The following COL21A1 variants were observed in gnomAD, a reference collection of about 807,000 sequenced individuals.
COL21A1 encodes the protein collagen alpha-1(XXI) chain.
A neutral mutation model predicts 137.9 loss-of-function variants in COL21A1; 149 were observed. That is an observed-to-expected ratio of 1.08 (90% CI 0.95 to 1.24). COL21A1 has a LOEUF of 1.24. COL21A1 is among the 50% of genes most tolerant of loss of function. The probability of loss-of-function intolerance (pLI) is 0.00; values close to 1 mark genes in which losing one functional copy is unlikely to be tolerated. For synonymous variants in COL21A1, 456 were observed against 391.5 expected, an observed-to-expected ratio of 1.16 and a Z score of -1.95; for missense variants, 1,167 against 1,158.4, an observed-to-expected ratio of 1.01 and a Z score of -0.11.
At chr6:56,224,499 A>G (rs1398527881) in intron 1 of COL21A1, among the ~76,000 whole-genome samples, 1 of 152,112 alleles carries the variant, frequency 6.6e-6, no homozygotes, top group Admixed American at 6.6e-5. Context: ...ATACTATTTT[A>G]ATGCTTCTCA....
chr6:56,368,276 T>C (rs1766146613), intron 1 of COL21A1, among the ~76,000 whole-genome samples: 1 of 152,216 alleles, frequency 6.6e-6, no homozygotes, highest in Non-Finnish European at 1.5e-5. Context: ...TAAATTATTC[T>C]CTCATTTGTT....
At chr6:56,121,510 G>GTATATATATATACATATACATATATA (rs1341719998) in intron 16 of COL21A1, among the ~76,000 whole-genome samples, 11 of 115,334 alleles carry the variant, frequency 9.5e-5, no homozygotes, top group African/African-American at 2.7e-4. Flanking sequence ...ATATTCATAT[G>GTATATATATATACATATACATATATA]TGTATATATA....
chr6:56,100,965 T>C (rs1770406148), intron 17 of COL21A1, among the ~76,000 whole-genome samples: 1 of 152,182 alleles, frequency 6.6e-6, no homozygotes, highest in Non-Finnish European at 1.5e-5. Flanking sequence ...TATTTAAATG[T>C]TGGCCACGAG....
chr6:56,191,606 A>T (rs1778685993), intron 1 of COL21A1, among the ~76,000 whole-genome samples: 2 of 151,270 alleles, frequency 1.3e-5, no homozygotes, highest in Non-Finnish European at 2.9e-5. Context: ...AAAAAAAAAA[A>T]AATCCAGAGA....
chr6:56,389,349 A>C (rs1264444027), intron 1 of COL21A1, among the ~76,000 whole-genome samples: 3 of 151,840 alleles, frequency 2.0e-5, no homozygotes, highest in Non-Finnish European at 4.4e-5. Flanking sequence ...ACAGAGCAAG[A>C]CTCCATCTCA....
At chr6:56,358,518 G>A (rs1158609863) in intron 1 of COL21A1, among the ~76,000 whole-genome samples, 1 of 151,114 alleles carries the variant, frequency 6.6e-6, no homozygotes, top group African/African-American at 2.4e-5. Context: ...TGTCTACATG[G>A]TAAAATTCAA....
At chr6:56,106,931 C>T (rs1205174125) in intron 16 of COL21A1, among the ~76,000 whole-genome samples, 4 of 152,010 alleles carry the variant, frequency 2.6e-5, no homozygotes, top group African/African-American at 7.2e-5. Flanking sequence ...GGACTACAGG[C>T]GCCCGCCACC....
chr6:56,290,611 C>T (rs1390861234), intron 1 of COL21A1, among the ~76,000 whole-genome samples: 4 of 149,540 alleles, frequency 2.7e-5, no homozygotes, highest in Admixed American at 6.9e-5. Context: ...GTGATTCTCC[C>T]GCCTCGGCCT....
chr6:56,169,361 G>T (rs559577121), intron 5 of COL21A1, among the ~76,000 whole-genome samples: 218 of 151,978 alleles, frequency 1.4e-3, no homozygotes, highest in Admixed American at 5.6e-3. Flanking sequence ...GGATAAAGTT[G>T]AAAGTATTAT....
At chr6:56,290,231 G>A (rs112917372) in intron 1 of COL21A1, among the ~76,000 whole-genome samples, 3,390 of 151,992 alleles carry the variant, frequency 0.022, 57 homozygotes, top group Middle Eastern at 0.031. Flanking sequence ...TAGAGATCAG[G>A]GTTTCTCAGC....
chr6:56,283,874 A>ACACTCTCT lies in COL21A1; in HGVS notation c.-38-101219_-38-101218insAGAGAGTG, dbSNP rs375116485. ...TATCTGTAGACACACTCACACACACACTCTCTCTCTCTCTCTCTCTCTCTC... is the reference window on the plus strand; with the variant it reads ...TATCTGTAGACACACTCACACACACACACTCTCTCTCTCTCTCTCTCTCTCTCTCTCTC... On this transcript the variant is annotated intron_variant, in intron 1 of 28. Transcript: ENST00000370819. Among the ~76,000 whole-genome samples the ACACTCTCT allele has an allele frequency of 7.1e-3, 1,034 of 146,262 alleles. 5 individuals are homozygous for ACACTCTCT. The highest frequency in any genetic ancestry group is 0.021 in the Middle Eastern group (6 of 292).
chr6:56,350,157 G>A (rs951069662), intron 1 of COL21A1, among the ~76,000 whole-genome samples: 1 of 152,170 alleles, frequency 6.6e-6, no homozygotes, highest in Non-Finnish European at 1.5e-5. Context: ...GAATCTAATT[G>A]ACCAGCTAGG....
intron 1 of COL21A1, among the ~76,000 whole-genome samples, chr6:56,317,179 G>A (rs749627877): frequency 7.2e-5 from 11 of 152,106 alleles, no homozygotes; most frequent in Admixed American, 2.0e-4. Context: ...TATAGACCAA[G>A]AAAAGTCACT....
chr6:56,130,799 T>A (rs1773499998), intron 12 of COL21A1, among the ~76,000 whole-genome samples: 1 of 152,138 alleles, frequency 6.6e-6, no homozygotes. Flanking sequence ...AGCAACAAGT[T>A]GTCAGCAAAA....
chr6:56,141,705 A>G, intron 12 of COL21A1, 80 bp downstream of exon 12: 1 of 1,439,436 alleles, frequency 6.9e-7, no homozygotes, highest in Non-Finnish European at 9.8e-7. Context: ...GACGCAGACT[A>G]TTGAATGGAA....
At chr6:56,235,945 G>A (rs1408947627) in intron 1 of COL21A1, among the ~76,000 whole-genome samples, 1 of 151,972 alleles carries the variant, frequency 6.6e-6, no homozygotes, top group Non-Finnish European at 1.5e-5. Context: ...GAATAAAGTG[G>A]CTTAACAGCA....
chr6:56,366,401 T>C (rs1194694468), intron 1 of COL21A1, among the ~76,000 whole-genome samples: 2 of 152,140 alleles, frequency 1.3e-5, no homozygotes, highest in East Asian at 3.9e-4. Flanking sequence ...GACGAGTGTC[T>C]GGTTGGGATC....
intron 1 of COL21A1, among the ~76,000 whole-genome samples, chr6:56,239,060 C>T (rs1782093597): frequency 6.6e-6 from 1 of 152,096 alleles, no homozygotes; most frequent in Non-Finnish European, 1.5e-5. Flanking sequence ...AATGTCAGAG[C>T]CACAACCATA....
intron 1 of COL21A1, among the ~76,000 whole-genome samples, chr6:56,208,264 A>G (rs559096601): frequency 6.6e-6 from 1 of 152,344 alleles, no homozygotes; most frequent in African/African-American, 2.4e-5. Context: ...ACATGATTGT[A>G]TATTTAGAAA....
Sources: gnomAD v4.1 joint callset for allele counts (sites outside exome capture counted in the v4.1 genomes callset) on GRCh38, gnomAD v4.1.1 for gene constraint, MANE v1.5 for transcripts, NCBI Gene and HGNC (gene_info 2026-07-23, HGNC 2026-07-21) for gene names.